CASK: variants seen among roughly 807,000 people sequenced by gnomAD.
CASK encodes calcium/calmodulin dependent serine protein kinase, also known as peripheral plasma membrane protein CASK.
In CASK, 4 loss-of-function variants were observed where a neutral mutation model predicts 82.9. The observed-to-expected ratio is 0.05, with a 90% CI of 0.02 to 0.11. CASK has a LOEUF of 0.11. Among genes scored for constraint, CASK ranks in the 10% least tolerant of loss-of-function variants. The pLI is 1.00. For synonymous variants in CASK, 259 were observed against 253.5 expected (o/e 1.02, Z -0.20); for missense variants, 358 against 720.9 (o/e 0.50, Z 5.76).
At chrX:41,529,293 A>G (rs2064762945) in intron 25 of CASK, among the ~76,000 whole-genome samples, 1 of 111,716 alleles carries the variant, frequency 9.0e-6, no homozygotes, top group Admixed American at 9.5e-5. Context: ...GAGGAGGCTG[A>G]GAGAAGTGTC....
intron 11 of CASK, among the ~76,000 whole-genome samples, chrX:41,619,588 G>T (rs1456667718): frequency 2.7e-5 from 3 of 111,974 alleles, no homozygotes; most frequent in African/African-American, 9.7e-5. Context: ...TCTTTAAAGA[G>T]AAATATGCTT....
rs147177725 is a variant in CASK, at chrX:41,664,072, G to A, written c.708+1205C>T. ...CCCAGTGGCCAGCTGACTCTGGGAGGAGCAGAATATGCTACACTGAAAACA... is the reference window on the plus strand; with the variant it reads ...CCCAGTGGCCAGCTGACTCTGGGAGAAGCAGAATATGCTACACTGAAAACA... On this transcript the variant is annotated intron_variant, in intron 7 of 26. Transcript: ENST00000378163. 6.3e-3 allele frequency among the ~76,000 whole-genome samples: 698 copies of A among 111,541 alleles called. 9 individuals are homozygous for A. Among genetic ancestry groups the A allele is most frequent in the African/African-American group, 0.022 (669 of 30,665 alleles).
chrX:41,660,031 G>T, intron 8 of CASK: 4 of 144,060 alleles, frequency 2.8e-5, no homozygotes, highest in Non-Finnish European at 2.6e-5. Context: ...GTTTTCCTAA[G>T]ACAGAAAATT....
chrX:41,686,403 CT>C (rs779954075), intron 5 of CASK, among the ~76,000 whole-genome samples: 256 of 94,294 alleles, frequency 2.7e-3, no homozygotes, highest in Middle Eastern at 5.5e-3. Flanking sequence ...TTCTTTCTTT[CT>C]TTTTTTTTTT....
chrX:41,809,199 T>G (rs1356336017), intron 2 of CASK, among the ~76,000 whole-genome samples: 1 of 112,284 alleles, frequency 8.9e-6, no homozygotes, highest in Admixed American at 9.4e-5. Context: ...CAGAAACCTC[T>G]GCAGACTTAA....
chrX:41,776,677 C>A (rs770472080), intron 3 of CASK, among the ~76,000 whole-genome samples: 114 of 111,773 alleles, frequency 1.0e-3, no homozygotes, highest in African/African-American at 3.5e-3. Context: ...AACTGACTTA[C>A]CCTAAAAACA....
intron 2 of CASK, among the ~76,000 whole-genome samples, chrX:41,848,211 C>T (rs2071196013): frequency 9.0e-6 from 1 of 111,719 alleles, no homozygotes; most frequent in African/African-American, 3.3e-5. Context: ...ATCTCTGAGT[C>T]AGGCCAATTA....
chrX:41,844,056 C>T (rs772763653), intron 2 of CASK, among the ~76,000 whole-genome samples: 9 of 111,481 alleles, frequency 8.1e-5, no homozygotes, highest in Non-Finnish European at 1.3e-4. Flanking sequence ...AGTAAAATGG[C>T]TGGGTCATAT....
At chrX:41,910,311 A>T (rs1243903226) in intron 1 of CASK, among the ~76,000 whole-genome samples, 1 of 111,814 alleles carries the variant, frequency 8.9e-6, no homozygotes, top group African/African-American at 3.3e-5. Context: ...TTTTATGTGC[A>T]TGAGAATCTC....
intron 9 of CASK, among the ~76,000 whole-genome samples, chrX:41,634,987 T>G (rs1427242307): frequency 9.0e-6 from 1 of 111,719 alleles, no homozygotes; most frequent in Non-Finnish European, 1.9e-5. Flanking sequence ...AAGGCTAAAA[T>G]GGGAATAATC....
intron 12 of CASK, among the ~76,000 whole-genome samples, chrX:41,591,360 A>G (rs1361310748): frequency 8.9e-6 from 1 of 112,679 alleles, no homozygotes; most frequent in East Asian, 2.8e-4. Context: ...AACCAAAAAA[A>G]CTAAGAAACC....
chrX:41,860,400 A>T (rs1286174724), intron 1 of CASK, among the ~76,000 whole-genome samples: 1 of 111,715 alleles, frequency 9.0e-6, no homozygotes, highest in Non-Finnish European at 1.9e-5. Flanking sequence ...AAAATTATAG[A>T]CATATATAAA....
chrX:41,830,745 A>G (rs187283654), intron 2 of CASK, among the ~76,000 whole-genome samples: 1,038 of 100,894 alleles, frequency 0.01, 13 homozygotes, highest in South Asian at 0.015. Context: ...GCGTGAACCC[A>G]GGAGGCGGAG....
intron 3 of CASK, among the ~76,000 whole-genome samples, chrX:41,786,478 C>T (rs750546394): frequency 7.4e-5 from 8 of 108,264 alleles, no homozygotes; most frequent in African/African-American, 2.7e-4. Context: ...AATCAATCCT[C>T]CCTGCTTCAG....
At chrX:41,635,026 C>T (rs1016063025) in intron 9 of CASK, among the ~76,000 whole-genome samples, 7 of 111,057 alleles carry the variant, frequency 6.3e-5, no homozygotes, top group Admixed American at 3.9e-4. Flanking sequence ...TTAATATTTC[C>T]CTTGTTCTAT....
rs2067830380 is a variant in CASK at position 41,703,139 on chromosome X, G to A, written c.430-31609C>T. 2.7e-5 allele frequency among the ~76,000 whole-genome samples: 3 copies of A among 111,780 alleles called. No individual in the cohort carries two copies. The Admixed American group carries it at 2.8e-4, about 11-fold the overall frequency. ...ACTGTTACACTTATATTCTTTTTTG[G>A]TAATTTCACATATAAATAGTTTTTA... On this transcript the variant is annotated intron_variant, in intron 5 of 26. Transcript: ENST00000378163.
intron 3 of CASK, among the ~76,000 whole-genome samples, chrX:41,785,889 C>T (rs1028333759): frequency 2.7e-5 from 3 of 111,641 alleles, no homozygotes; most frequent in Non-Finnish European, 5.6e-5. Context: ...GATTAGGTTA[C>T]GAGACTGTGA....
intron 16 of CASK, among the ~76,000 whole-genome samples, chrX:41,567,027 G>C (rs1434781446): frequency 7.2e-5 from 8 of 111,767 alleles, no homozygotes; most frequent in Admixed American, 1.9e-4. Context: ...GGAAAACTGG[G>C]TAGCCATATG....
intron 2 of CASK, among the ~76,000 whole-genome samples, chrX:41,809,306 G>A (rs2070217217): frequency 8.9e-6 from 1 of 112,265 alleles, no homozygotes; most frequent in Admixed American, 9.4e-5. Flanking sequence ...GTGGGTCCCT[G>A]ACCCCCAAGT....
Sources: allele counts gnomAD v4.1 joint callset (sites outside exome capture counted in the v4.1 genomes callset), GRCh38; gene constraint gnomAD v4.1.1; transcripts MANE v1.5; gene names NCBI Gene and HGNC (gene_info 2026-07-23, HGNC 2026-07-21).